ALDH18A1: variants seen among roughly 807,000 people sequenced by gnomAD.
ALDH18A1 encodes the protein delta-1-pyrroline-5-carboxylate synthase.
Under a neutral mutation model 88.8 loss-of-function variants are expected in ALDH18A1, and 44 were observed. That is an observed-to-expected ratio of 0.50 (90% CI 0.39 to 0.64). The LOEUF (loss-of-function observed/expected upper bound fraction) is 0.64. Ranked by LOEUF, ALDH18A1 falls within the 30% of genes least tolerant of loss-of-function variation. The probability of loss-of-function intolerance (pLI) is 0.00; values close to 1 mark genes in which losing one functional copy is unlikely to be tolerated. For missense variants in ALDH18A1, 782 were observed against 1,009.5 expected (o/e 0.77, Z 3.05); for synonymous variants, 331 against 372.1 (o/e 0.89, Z 1.27).
chr10:95,626,635 G>C, intron 10 of ALDH18A1, 68 bp downstream of exon 10: 1 of 1,483,352 alleles, frequency 6.7e-7, no homozygotes, highest in South Asian at 1.1e-5. Flanking sequence ...CAGCAGGTTT[G>C]ACTCCTGTAA....
At position 95,613,755 on chromosome 10, in the gene ALDH18A1, A is replaced by G. The variant is rs869320690; in HGVS notation, c.1910T>C (p.Leu637Pro). ...TGGAACTCTTACCTGTTCCACTCTC[A>G]GCATATCAATGATCTGGTCAAATAA... ...TPLFDQIIDM[L>P]RVEQVKIHAG... The change falls in exon 15 of 18, where the codon CTG (leucine) becomes CCG (proline). Residue 637 changes from leucine to proline, a missense_variant. Leu to Pro is a moderately conservative substitution (Grantham distance 98). Around this residue, in one of 3 missense-constraint regions of ALDH18A1, gnomAD observed 556 missense variants for 654.5 expected, o/e 0.85. Coordinates refer to ENST00000371224, the MANE Select transcript of ALDH18A1 (RefSeq NM_002860.4). The G allele has an allele frequency of 1.9e-6, 3 of 1,614,142 alleles. No individual in the cohort carries two copies. The highest frequency in any genetic ancestry group is 2.5e-6 in the Non-Finnish European group (3 of 1,180,010).
At chr10:95,627,646 A>G (rs1387905914) in intron 8 of ALDH18A1, 60 bp from the exon 9 acceptor site, 1 of 1,592,266 alleles carries the variant, frequency 6.3e-7, no homozygotes, top group East Asian at 2.2e-5. Flanking sequence ...CCACATTTTA[A>G]ACTTGCAAAA....
At chr10:95,630,811 T>C (rs191695914) in intron 7 of ALDH18A1, among the ~76,000 whole-genome samples, 46 of 152,294 alleles carry the variant, frequency 3.0e-4, no homozygotes, top group African/African-American at 1.1e-3. Context: ...CCTGTTCCTA[T>C]CCTGGGACTT....
intron 2 of ALDH18A1, among the ~76,000 whole-genome samples, chr10:95,652,915 G>A (rs569024925): frequency 5.3e-5 from 8 of 151,344 alleles, no homozygotes; most frequent in South Asian, 2.1e-4. Flanking sequence ...GGCTGGGCAC[G>A]ATGGCTCACG....
chr10:95,613,858 C>A lies in ALDH18A1; in HGVS notation c.1807G>T (p.Asp603Tyr). Residue 603 changes from aspartate to tyrosine, a missense_variant, in exon 15 of 18, where the codon GAC becomes TAC. Physicochemically the swap from Asp to Tyr is radical, Grantham distance 160. Coordinates refer to ENST00000371224, the MANE Select transcript of ALDH18A1 (RefSeq NM_002860.4). ...SVDKVTRLVR[D>Y]SKCEYPAACN... ...GCAGCTGGATATTCACATTTAGAGT[C>A]TCTGACTGAAAGAAGATGAGCAAAG... 6.2e-7 allele frequency: 1 copy of A among 1,614,194 alleles called. No homozygotes were observed. The highest frequency in any genetic ancestry group is 1.1e-5 in the South Asian group (1 of 91,086).
At chr10:95,620,711 G>A (rs75865615) in intron 12 of ALDH18A1, among the ~76,000 whole-genome samples, 5 of 149,168 alleles carry the variant, frequency 3.4e-5, no homozygotes, top group Non-Finnish European at 3.0e-5. Flanking sequence ...AACAATGCAT[G>A]TTCTCACTCG....
At chr10:95,637,047 A>G in intron 5 of ALDH18A1, 46 bp downstream of exon 5, 1 of 1,577,182 alleles carries the variant, frequency 6.3e-7, no homozygotes, top group Non-Finnish European at 8.7e-7. Context: ...TTCCACAACA[A>G]CCACCCTCAC....
intron 1 of ALDH18A1, among the ~76,000 whole-genome samples, chr10:95,654,847 A>G (rs1305260040): frequency 6.6e-6 from 1 of 152,014 alleles, no homozygotes; most frequent in Non-Finnish European, 1.5e-5. Flanking sequence ...TTACATGTGA[A>G]TTCTCCAAAA....
At chr10:95,617,594 G>A (rs1566004299) in intron 12 of ALDH18A1, among the ~76,000 whole-genome samples, 1 of 152,224 alleles carries the variant, frequency 6.6e-6, no homozygotes, top group African/African-American at 2.4e-5. Flanking sequence ...AGAGCAAAGA[G>A]TGAGTGACAC....
chr10:95,628,942 ACT>A, intron 7 of ALDH18A1: 1 of 225,140 alleles, frequency 4.4e-6, no homozygotes, highest in East Asian at 1.1e-4. Flanking sequence ...GTACTCATTA[ACT>A]CTCACAGTAC....
chr10:95,655,972 G>A (rs1257641165), intron 1 of ALDH18A1, among the ~76,000 whole-genome samples: 1 of 152,164 alleles, frequency 6.6e-6, no homozygotes, highest in Non-Finnish European at 1.5e-5. Flanking sequence ...CACCACCTCA[G>A]AGGGCAGGGG....
chr10:95,639,184 AT>A (rs1338776567), intron 3 of ALDH18A1, among the ~76,000 whole-genome samples: 1 of 152,130 alleles, frequency 6.6e-6, no homozygotes, highest in African/African-American at 2.4e-5. Context: ...ATTAAAAAAA[AT>A]AATAGCCAAG....
In ALDH18A1 at chr10:95,610,184, G is replaced by A. The variant is rs1565993327; in HGVS notation, c.2206+13C>T. 2 of 1,613,320 alleles carry A rather than the reference G, an allele frequency of 1.2e-6. No individual in the cohort carries two copies. The highest frequency in any genetic ancestry group is 2.2e-5 in the South Asian group (2 of 91,056). On this transcript the variant is annotated intron_variant, in intron 17 of 17. Transcript: ENST00000371224. ...CAAGGAACTTCTTTCTTCCCAACCA[G>A]AGTCTTTCTTACCCAGTCCAAAGCG...
rs769656905 is a variant in ALDH18A1 at position 95,637,176 on chromosome 10, G to A, written c.475C>T (p.Arg159Ter). 1.2e-6 allele frequency: 2 copies of A among 1,613,636 alleles called. No individual in the cohort carries two copies. Among genetic ancestry groups the A allele is most frequent in the South Asian group, 1.1e-5 (1 of 91,070 alleles). The change falls in exon 5 of 18, where the codon CGA becomes TGA. Residue 159 changes from arginine to a stop codon, truncating the protein, a stop_gained. Coordinates refer to ENST00000371224, the MANE Select transcript of ALDH18A1 (RefSeq NM_002860.4). LOFTEE classifies it high-confidence loss of function. Reference protein sequence around the residue: ...KEMAIPVLEARACAAAGQSGL... With the variant: ...KEMAIPVLEA Reference sequence around the variant, plus strand: ...CTCTGTCCGGCAGCTGCACAGGCTCGTGCCTCTAAGACTGGAATTGCCTGT... The same window carrying A: ...CTCTGTCCGGCAGCTGCACAGGCTCATGCCTCTAAGACTGGAATTGCCTGT...
chr10:95,612,263 TG>T (rs988186184), intron 15 of ALDH18A1, among the ~76,000 whole-genome samples: 1 of 152,234 alleles, frequency 6.6e-6, no homozygotes, highest in Admixed American at 6.5e-5. Flanking sequence ...TGCGTCAGTC[TG>T]GCCCCACCTC....
rs55659918 is a variant in ALDH18A1, at chr10:95,609,769, A to ATTTTTTTTTTTTTTTTTTTT, written c.2206+427_2206+428insAAAAAAAAAAAAAAAAAAAA. Among the ~76,000 whole-genome samples the ATTTTTTTTTTTTTTTTTTTT allele has an allele frequency of 9.6e-5, 11 of 114,222 alleles. 2 individuals carry two copies. The highest frequency in any genetic ancestry group is 2.4e-4 in the African/African-American group (7 of 29,106). 74.9% of individuals were successfully genotyped at this position (114,222 alleles called of 152,430 possible). ...CCTACCTTGCCAGAAGTCTGTCTCT[A>ATTTTTTTTTTTTTTTTTTTT]TTTTTTTTTTTTTTTTGAGATGGTG... On this transcript the variant is annotated intron_variant, in intron 17 of 17. Transcript: ENST00000371224.
rs980438172 is a variant in ALDH18A1, at chr10:95,649,591, G to A, written c.88+3699C>T. On this transcript the variant is annotated intron_variant, in intron 2 of 17. Transcript: ENST00000371224. ...AGGATGGTCTCGATATCCTGACCTC[G>A]TGATCTGCCCACCTCGGCCTCCCAA... is the stretch of plus-strand genomic sequence containing the variant. 5.9e-5 allele frequency among the ~76,000 whole-genome samples: 9 copies of A among 152,022 alleles called. No individual in the cohort carries two copies. In the South Asian group the frequency reaches 6.2e-4, roughly 10 times the overall value.
At chr10:95,641,501 T>TG (rs2097891379) in intron 3 of ALDH18A1, among the ~76,000 whole-genome samples, 1 of 146,926 alleles carries the variant, frequency 6.8e-6, no homozygotes, top group South Asian at 2.3e-4. Flanking sequence ...TGTTTTTTGT[T>TG]TTTTTTTTTC....
chr10:95,652,376 G>C (rs1309973184), intron 2 of ALDH18A1, among the ~76,000 whole-genome samples: 1 of 152,172 alleles, frequency 6.6e-6, no homozygotes, highest in African/African-American at 2.4e-5. Context: ...TCTTAAAATT[G>C]CAAGTGAATT....
Sources: allele counts gnomAD v4.1 joint callset (sites outside exome capture counted in the v4.1 genomes callset), GRCh38; gene constraint gnomAD v4.1.1; regional missense constraint gnomAD v4.1.1; transcripts MANE v1.5; gene names NCBI Gene and HGNC (gene_info 2026-07-23, HGNC 2026-07-21).